The following ENPP1 variants were observed in gnomAD, a reference collection of about 807,000 sequenced individuals.
ENPP1 encodes ectonucleotide pyrophosphatase/phosphodiesterase family member 1.
Under a neutral mutation model 122.8 loss-of-function variants are expected in ENPP1, and 73 were observed. That is an observed-to-expected ratio of 0.59 (90% CI 0.49 to 0.72). The LOEUF is 0.72. Among genes scored for constraint, ENPP1 ranks in the 30% least tolerant of loss-of-function variants. The probability of loss-of-function intolerance (pLI) is 0.00; values close to 1 mark genes in which losing one functional copy is unlikely to be tolerated. For synonymous variants in ENPP1, 367 were observed against 391.6 expected, an observed-to-expected ratio of 0.94 and a Z score of 0.74; for missense variants, 978 against 1,128.1, an observed-to-expected ratio of 0.87 and a Z score of 1.91.
chr6:131,885,215 T>A (rs113396747), intron 23 of ENPP1, 152 bp downstream of exon 23: 7 of 717,950 alleles, frequency 9.7e-6, no homozygotes, highest in African/African-American at 7.1e-5. Flanking sequence ...TCTTGAAATA[T>A]CTGATTAATT....
chr6:131,887,318 A>G lies in ENPP1; in HGVS notation c.2607+594A>G, dbSNP rs115924651. Among the ~76,000 whole-genome samples, 358 of 151,766 alleles carry G rather than the reference A, an allele frequency of 2.4e-3. 2 individuals are homozygous for G. Among genetic ancestry groups the G allele is most frequent in the African/African-American group, 8.0e-3 (330 of 41,402 alleles). On this transcript the variant is annotated intron_variant, in intron 24 of 24. Transcript: ENST00000647893. ...CAGTGTGTTTGGGAATAATTGTTTT[A>G]TATTATCTTATTTGCTCAGAATTTT...
intron 13 of ENPP1, among the ~76,000 whole-genome samples, chr6:131,871,672 A>C (rs908685018): frequency 6.6e-6 from 1 of 152,222 alleles, no homozygotes; most frequent in Non-Finnish European, 1.5e-5. Flanking sequence ...ATTTTTACCC[A>C]GTGAAACCAT....
At chr6:131,859,392 T>TG (rs1781987863) in intron 7 of ENPP1, among the ~76,000 whole-genome samples, 1 of 151,984 alleles carries the variant, frequency 6.6e-6, no homozygotes, top group South Asian at 2.1e-4. Context: ...ACCTTTTTTT[T>TG]TTTTGTTTTT....
intron 3 of ENPP1, 39 bp downstream of exon 3, chr6:131,850,145 T>C (rs1420688156): frequency 7.7e-6 from 10 of 1,305,896 alleles, no homozygotes; most frequent in Non-Finnish European, 1.1e-5. Flanking sequence ...TTATGGTCAT[T>C]AGGAAAAGAT....
chr6:131,823,122 T>C (rs1781502383), intron 1 of ENPP1, among the ~76,000 whole-genome samples: 1 of 152,264 alleles, frequency 6.6e-6, no homozygotes, highest in South Asian at 2.1e-4. Flanking sequence ...TATGAGTTAA[T>C]ATTTGTCAAC....
At position 131,859,297 on chromosome 6, in the gene ENPP1, C is replaced by T. The variant is rs146271494; in HGVS notation, c.795+550C>T. 1.1e-4 allele frequency among the ~76,000 whole-genome samples: 17 copies of T among 151,936 alleles called. No homozygotes were observed. In the East Asian group the frequency reaches 3.3e-3, roughly 29 times the overall value. ...ATTGATCCAAGCTACTCTGGGACCT[C>T]GCCAAAAAAGGAATTTGTTCTGCAG... is the stretch of plus-strand genomic sequence containing the variant. On this transcript the variant is annotated intron_variant, in intron 7 of 24. Coordinates refer to ENST00000647893, the MANE Select transcript of ENPP1 (RefSeq NM_006208.3).
chr6:131,813,245 T>C (rs773135960), intron 1 of ENPP1, among the ~76,000 whole-genome samples: 2 of 152,074 alleles, frequency 1.3e-5, no homozygotes, highest in Non-Finnish European at 2.9e-5. Context: ...GGCTCATGCC[T>C]GTAATCCCAG....
In ENPP1 at chr6:131,834,711, T is replaced by TTTTTAGTAGAGACGGGGTTTCACCA. The variant is rs370151170; in HGVS notation, c.241-13038_241-13014dup. Among the ~76,000 whole-genome samples the TTTTTAGTAGAGACGGGGTTTCACCA allele has an allele frequency of 3.3e-4, 50 of 151,642 alleles. 1 individual carries two copies. Among genetic ancestry groups the TTTTTAGTAGAGACGGGGTTTCACCA allele is most frequent in the East Asian group, 3.9e-4 (2 of 5,108 alleles). ...ACGCCCAGCTAATTTTTTTTTTGTA[T>TTTTTAGTAGAGACGGGGTTTCACCA]TTTTAGTAGAGACGGGGTTTCACCA... is the stretch of plus-strand genomic sequence containing the variant. On this transcript the variant is annotated intron_variant, in intron 1 of 24. Coordinates refer to ENST00000647893, the MANE Select transcript of ENPP1 (RefSeq NM_006208.3).
At chr6:131,828,018 C>T in intron 1 of ENPP1, 1 of 680,800 alleles carries the variant, frequency 1.5e-6, no homozygotes, top group Non-Finnish European at 2.8e-6. Flanking sequence ...TTGCTGCAGG[C>T]TGCAAAGAAC....
intron 23 of ENPP1, 34 bp downstream of exon 23, chr6:131,885,097 AATTACCATCCAGTAGAAATGGG>A (rs1562186049): frequency 6.2e-7 from 1 of 1,606,644 alleles, no homozygotes; most frequent in Non-Finnish European, 8.5e-7. Flanking sequence ...TAAAAATAGG[AATTACCATCCAGTAGAAATGGG>A]ATTACCATCC....
chr6:131,847,560 G>T (rs1247034610), intron 1 of ENPP1, among the ~76,000 whole-genome samples: 1 of 152,110 alleles, frequency 6.6e-6, no homozygotes, highest in Non-Finnish European at 1.5e-5. Context: ...ACTATATAAG[G>T]CCAGGCCTAG....
At chr6:131,828,034 G>T in intron 1 of ENPP1, 1 of 673,124 alleles carries the variant, frequency 1.5e-6, no homozygotes. Flanking sequence ...AGAACAGTGT[G>T]TGCAAGAGCA....
chr6:131,857,667 G>A (rs951809874), intron 6 of ENPP1, among the ~76,000 whole-genome samples: 10 of 151,844 alleles, frequency 6.6e-5, no homozygotes, highest in Non-Finnish European at 1.2e-4. Flanking sequence ...GGGTGAGGGG[G>A]GAGCGATAGC....
chr6:131,821,441 A>G (rs1013720347), intron 1 of ENPP1, among the ~76,000 whole-genome samples: 60 of 152,370 alleles, frequency 3.9e-4, no homozygotes, highest in Admixed American at 1.0e-3. Context: ...CGCTGGTTGC[A>G]TTTGGCCCCT....
intron 2 of ENPP1, among the ~76,000 whole-genome samples, chr6:131,849,354 A>C (rs1781852726): frequency 6.6e-6 from 1 of 152,108 alleles, no homozygotes. Flanking sequence ...GTTTTATATG[A>C]GCTTAAAAAA....
At position 131,873,181 on chromosome 6, in the gene ENPP1, A is replaced by G. The variant is rs113326914; in HGVS notation, c.1565+131A>G. Reference sequence around the variant, plus strand: ...ATGATTCTCTTCACTCTAACCCAGGATTTCTAATGTCGGCCTATGGATGTT... The same window carrying G: ...ATGATTCTCTTCACTCTAACCCAGGGTTTCTAATGTCGGCCTATGGATGTT... On this transcript the variant is annotated intron_variant, in intron 15 of 24. Transcript: ENST00000647893. 3.1e-4 allele frequency: 334 copies of G among 1,081,254 alleles called. 1 individual carries two copies. In the African/African-American group the frequency reaches 4.5e-3, roughly 15 times the overall value. 67.0% of individuals were successfully genotyped at this position (1,081,254 alleles called of 1,614,324 possible).
chr6:131,845,294 G>A (rs1327644557), intron 1 of ENPP1, among the ~76,000 whole-genome samples: 11 of 151,308 alleles, frequency 7.3e-5, no homozygotes, highest in Non-Finnish European at 1.3e-4. Context: ...GCCTCCCAGC[G>A]TGCTGGGATT....
At chr6:131,808,389 C>T (rs1781308250) in intron 1 of ENPP1, 114 bp downstream of exon 1, 4 of 1,267,670 alleles carry the variant, frequency 3.2e-6, no homozygotes, top group South Asian at 2.3e-5. Flanking sequence ...GAGGCATGGT[C>T]CGGGAGTGCT....
intron 1 of ENPP1, chr6:131,826,596 G>A: frequency 9.5e-7 from 1 of 1,051,190 alleles, no homozygotes; most frequent in Non-Finnish European, 1.5e-6. Context: ...AGTATGGAAT[G>A]CATTCCAGGT....
Sources: gnomAD v4.1 joint callset for allele counts (sites outside exome capture counted in the v4.1 genomes callset) on GRCh38, gnomAD v4.1.1 for gene constraint, MANE v1.5 for transcripts, NCBI Gene and HGNC (gene_info 2026-07-23, HGNC 2026-07-21) for gene names.